Variants in SLC44A5 observed in about 807,000 individuals in gnomAD.
SLC44A5 encodes the protein choline transporter-like protein 5.
A neutral mutation model predicts 101.8 loss-of-function variants in SLC44A5; 57 were observed. The observed-to-expected ratio is 0.56, with a 90% CI of 0.45 to 0.70. The LOEUF is 0.70. SLC44A5 is among the 30% of genes least tolerant of loss of function. The pLI is 0.00. For missense variants in SLC44A5, 737 were observed against 853.1 expected (o/e 0.86, Z 1.70); for synonymous variants, 281 against 290.9 (o/e 0.97, Z 0.35).
At chr1:75,585,081 C>T (rs1245968502) in intron 1 of SLC44A5, among the ~76,000 whole-genome samples, 3 of 152,308 alleles carry the variant, frequency 2.0e-5, no homozygotes, top group South Asian at 2.1e-4. Context: ...CCTGGGACTT[C>T]CTGGTTGTAT....
At chr1:75,603,569 C>T (rs765952676) in intron 1 of SLC44A5, among the ~76,000 whole-genome samples, 2 of 151,942 alleles carry the variant, frequency 1.3e-5, no homozygotes, top group Non-Finnish European at 2.9e-5. Flanking sequence ...CTGCTTTCCA[C>T]AGTGACTGAA....
intron 1 of SLC44A5, among the ~76,000 whole-genome samples, chr1:75,601,719 G>T (rs4949866): frequency 3.3e-5 from 5 of 151,918 alleles, no homozygotes; most frequent in Non-Finnish European, 5.9e-5. Flanking sequence ...CATATCTAAA[G>T]CAATGAAAAT....
the SLC44A5 span, among the ~76,000 whole-genome samples, chr1:75,673,224 C>T: frequency 6.6e-6 from 1 of 151,968 alleles, no homozygotes; most frequent in Non-Finnish European, 1.5e-5. Flanking sequence ...GAGCCCACTG[C>T]CCTGAAGGGA....
In SLC44A5 at chr1:75,211,546, T is replaced by C. The variant is rs1402902690; in HGVS notation, c.1969A>G (p.Ile657Val). The change falls in exon 23 of 24, where the codon ATT becomes GTT. Residue 657 changes from isoleucine (I) to valine (V), a missense_variant. Coordinates refer to ENST00000370859, the MANE Select transcript of SLC44A5 (RefSeq NM_001130058.2). ...NYYWVPLLTVIFGSYLIAHGF... is the reference protein window; with the variant it reads ...NYYWVPLLTVVFGSYLIAHGF... ...TGTGCAATCAGGTAAGACCCAAAAA[T>C]GACTGTCTGTAAATGGATGAAGAAG... 28 of 1,610,674 alleles carry C rather than the reference T, an allele frequency of 1.7e-5. No homozygotes were observed. Among genetic ancestry groups the C allele is most frequent in the Non-Finnish European group, 2.3e-5 (27 of 1,177,380 alleles).
At chr1:75,705,087 C>T in the SLC44A5 span, among the ~76,000 whole-genome samples, 3 of 152,070 alleles carry the variant, frequency 2.0e-5, no homozygotes, top group Non-Finnish European at 4.4e-5. Context: ...CTACTATGTG[C>T]CCACAAAAGT....
chr1:75,206,536 A>T, intron 23 of SLC44A5: 1 of 1,056,620 alleles, frequency 9.5e-7, no homozygotes, highest in Non-Finnish European at 1.4e-6. Context: ...CAAAAGCAAC[A>T]TTTCCAAATT....
At chr1:75,215,698 A>C in intron 19 of SLC44A5, 56 bp downstream of exon 19, 5 of 1,032,918 alleles carry the variant, frequency 4.8e-6, no homozygotes, top group Non-Finnish European at 7.6e-6. Flanking sequence ...CAATGTAGAC[A>C]CAAGGTTTGG....
intron 9 of SLC44A5, among the ~76,000 whole-genome samples, chr1:75,239,596 T>G (rs189802779): frequency 3.9e-5 from 6 of 152,028 alleles, no homozygotes; most frequent in Non-Finnish European, 7.4e-5. Context: ...GGCTGATTCC[T>G]TTACCTGCCC....
intron 2 of SLC44A5, among the ~76,000 whole-genome samples, chr1:75,511,736 A>AGCCT (rs1466219806): frequency 6.6e-6 from 1 of 152,212 alleles, no homozygotes; most frequent in Non-Finnish European, 1.5e-5. Flanking sequence ...CTTTAAGGCT[A>AGCCT]GCCTGGGGTC....
intron 4 of SLC44A5, among the ~76,000 whole-genome samples, chr1:75,333,390 G>C (rs1657194211): frequency 6.6e-6 from 1 of 151,436 alleles, no homozygotes; most frequent in East Asian, 1.9e-4. Flanking sequence ...AAAGATATAG[G>C]TTAACACTCA....
At chr1:75,630,300 T>C in the SLC44A5 span, among the ~76,000 whole-genome samples, 1 of 152,192 alleles carries the variant, frequency 6.6e-6, no homozygotes, top group Non-Finnish European at 1.5e-5. Context: ...TTCCTGTCCT[T>C]CAGGCAAGTA....
intron 5 of SLC44A5, among the ~76,000 whole-genome samples, chr1:75,285,788 CT>C (rs1652990485): frequency 6.6e-6 from 1 of 151,818 alleles, no homozygotes; most frequent in Non-Finnish European, 1.5e-5. Context: ...TTGAGAGTTC[CT>C]TTATGAGTTC....
intron 2 of SLC44A5, among the ~76,000 whole-genome samples, chr1:75,445,241 T>C (rs1665484897): frequency 6.6e-6 from 1 of 152,016 alleles, no homozygotes; most frequent in African/African-American, 2.4e-5. Context: ...AGCGGGTTGT[T>C]TAACATGCCT....
intron 4 of SLC44A5, among the ~76,000 whole-genome samples, chr1:75,338,843 C>T (rs946097420): frequency 2.6e-5 from 4 of 152,114 alleles, no homozygotes; most frequent in Admixed American, 6.6e-5. Flanking sequence ...GTTCACATCA[C>T]GGTTCATTAT....
chr1:75,391,735 A>C (rs1050450477), intron 3 of SLC44A5, among the ~76,000 whole-genome samples: 2 of 152,216 alleles, frequency 1.3e-5, no homozygotes, highest in Non-Finnish European at 2.9e-5. Context: ...TGATGGATTG[A>C]ATATTTAAAT....
intron 2 of SLC44A5, among the ~76,000 whole-genome samples, chr1:75,462,197 T>C (rs1049719789): frequency 6.6e-6 from 1 of 152,118 alleles, no homozygotes; most frequent in Non-Finnish European, 1.5e-5. Context: ...AGATATAAAC[T>C]CTGTTTGTTT....
At chr1:75,687,916 G>T in the SLC44A5 span, among the ~76,000 whole-genome samples, 3 of 152,130 alleles carry the variant, frequency 2.0e-5, no homozygotes, top group Admixed American at 2.0e-4. Flanking sequence ...CCCCATTTTA[G>T]GACTAGCAGC....
intron 1 of SLC44A5, among the ~76,000 whole-genome samples, chr1:75,589,335 AG>A (rs1674209968): frequency 6.6e-6 from 1 of 152,244 alleles, no homozygotes; most frequent in African/African-American, 2.4e-5. Context: ...TTATCTGCTA[AG>A]GGAGTTAAGC....
intron 3 of SLC44A5, among the ~76,000 whole-genome samples, chr1:75,341,551 AGAAGGAAG>A (rs984234451): frequency 6.6e-6 from 1 of 152,026 alleles, no homozygotes; most frequent in East Asian, 1.9e-4. Flanking sequence ...ACGAGAGAGA[AGAAGGAAG>A]GAAGGAAGGA....
Sources: gnomAD v4.1 joint callset for allele counts (sites outside exome capture counted in the v4.1 genomes callset) on GRCh38, gnomAD v4.1.1 for gene constraint, MANE v1.5 for transcripts, NCBI Gene and HGNC (gene_info 2026-07-23, HGNC 2026-07-21) for gene names.